The following DLG1 variants were observed in gnomAD, a reference collection of about 807,000 sequenced individuals.
DLG1 encodes disks large homolog 1.
In DLG1, 42 loss-of-function variants were observed where a neutral mutation model predicts 123.4. The ratio of observed to expected loss-of-function variants is 0.34; its 90% confidence interval spans 0.27 to 0.44. The LOEUF is 0.44. DLG1 is among the 20% of genes least tolerant of loss of function. The pLI, the probability that DLG1 is intolerant of heterozygous loss-of-function variation, is 1.00. For synonymous variants in DLG1, 317 were observed against 356.2 expected (o/e 0.89, Z 1.24); for missense variants, 942 against 1,082.6 (o/e 0.87, Z 1.82).
chr3:197,214,166 T>C (rs556769375), intron 4 of DLG1, among the ~76,000 whole-genome samples: 2 of 152,152 alleles, frequency 1.3e-5, no homozygotes, highest in South Asian at 2.1e-4. Context: ...GGGAAAAATA[T>C]AAGGATTCTT....
chr3:197,264,885 C>T (rs1761034849), intron 4 of DLG1, among the ~76,000 whole-genome samples: 3 of 152,196 alleles, frequency 2.0e-5, no homozygotes. Flanking sequence ...GAAGAGGAAG[C>T]CACTTTCCCC....
intron 4 of DLG1, among the ~76,000 whole-genome samples, chr3:197,198,035 T>A (rs770863805): frequency 6.6e-6 from 1 of 152,150 alleles, no homozygotes; most frequent in East Asian, 1.9e-4. Flanking sequence ...TAAGTGTAAA[T>A]CTTTGTGACC....
intron 15 of DLG1, among the ~76,000 whole-genome samples, chr3:197,090,473 G>A (rs956153041): frequency 3.3e-5 from 5 of 152,014 alleles, no homozygotes; most frequent in African/African-American, 1.2e-4. Flanking sequence ...TATTTACCGA[G>A]GCTATTCACA....
intron 4 of DLG1, among the ~76,000 whole-genome samples, chr3:197,273,657 T>C (rs559739208): frequency 2.2e-4 from 33 of 152,106 alleles, no homozygotes; most frequent in Admixed American, 1.2e-3. Context: ...CTTAACACCA[T>C]TCAGTCAGAA....
At chr3:197,174,429 T>C (rs1200888385) in intron 5 of DLG1, among the ~76,000 whole-genome samples, 1 of 152,204 alleles carries the variant, frequency 6.6e-6, no homozygotes, top group East Asian at 1.9e-4. Context: ...TTAAAAAGTC[T>C]ATATAATAAA....
intron 5 of DLG1, among the ~76,000 whole-genome samples, chr3:197,170,379 G>C (rs1435236816): frequency 6.6e-6 from 1 of 152,140 alleles, no homozygotes; most frequent in Non-Finnish European, 1.5e-5. Context: ...CTCATCAACA[G>C]TGTATAAGTG....
chr3:197,264,087 A>C (rs1232041359), intron 4 of DLG1, among the ~76,000 whole-genome samples: 1 of 152,232 alleles, frequency 6.6e-6, no homozygotes, highest in African/African-American at 2.4e-5. Flanking sequence ...AACACATTAA[A>C]ATAGTATGTC....
At position 197,150,134 on chromosome 3, in the gene DLG1, G is replaced by C. The variant is rs548729979; in HGVS notation, c.484-338C>G. On this transcript the variant is annotated intron_variant, in intron 5 of 24. Transcript: ENST00000667157. ...CTTCCTAGGTTGCTTAGAAATCATT[G>C]TTTTCTCTTCCCAAAGATACAGTAA... Among the ~76,000 whole-genome samples, 12 of 151,886 alleles carry C rather than the reference G, an allele frequency of 7.9e-5. No homozygotes were observed. In the South Asian group the frequency reaches 2.5e-3, roughly 32 times the overall value.
At chr3:197,108,596 A>AT (rs1767946714) in intron 13 of DLG1, among the ~76,000 whole-genome samples, 2 of 151,592 alleles carry the variant, frequency 1.3e-5, no homozygotes, top group African/African-American at 4.9e-5. Context: ...TGACTACATA[A>AT]TGATATACTA....
intron 5 of DLG1, among the ~76,000 whole-genome samples, chr3:197,186,233 G>C (rs997318643): frequency 3.9e-5 from 6 of 152,172 alleles, no homozygotes; most frequent in Admixed American, 3.9e-4. Flanking sequence ...CTGGGAGGTG[G>C]AAGGCGGAAG....
At chr3:197,191,700 G>A (rs887586222) in intron 5 of DLG1, among the ~76,000 whole-genome samples, 3 of 152,168 alleles carry the variant, frequency 2.0e-5, no homozygotes, top group South Asian at 2.1e-4. Context: ...AGCAGTGTTA[G>A]GGCTTTACCC....
intron 4 of DLG1, among the ~76,000 whole-genome samples, chr3:197,278,709 T>C (rs529496270): frequency 1.3e-5 from 2 of 150,938 alleles, no homozygotes; most frequent in African/African-American, 4.9e-5. Context: ...AACTGACAAA[T>C]GACCTGGCAA....
chr3:197,296,204 A>G, intron 3 of DLG1, 142 bp downstream of exon 3: 1 of 808,630 alleles, frequency 1.2e-6, no homozygotes, highest in Non-Finnish European at 1.9e-6. Context: ...TGGCCTATGA[A>G]AAACACACAA....
intron 16 of DLG1, among the ~76,000 whole-genome samples, chr3:197,084,040 C>T (rs1401112993): frequency 6.6e-6 from 1 of 151,976 alleles, no homozygotes; most frequent in African/African-American, 2.4e-5. Flanking sequence ...AGAGAAAAGA[C>T]CAGTGAACTG....
intron 4 of DLG1, among the ~76,000 whole-genome samples, chr3:197,274,586 C>T (rs1765524653): frequency 6.6e-6 from 1 of 152,018 alleles, no homozygotes; most frequent in Non-Finnish European, 1.5e-5. Context: ...TTAGGTAATG[C>T]TTCAAAAGCA....
chr3:197,139,703 T>C (rs1787004689), intron 8 of DLG1, among the ~76,000 whole-genome samples: 1 of 152,222 alleles, frequency 6.6e-6, no homozygotes, highest in African/African-American at 2.4e-5. Flanking sequence ...TCCTCTATCC[T>C]CCGTATCTTA....
At chr3:197,225,304 A>G (rs555142690) in intron 4 of DLG1, among the ~76,000 whole-genome samples, 6 of 152,358 alleles carry the variant, frequency 3.9e-5, no homozygotes, top group Admixed American at 2.6e-4. Context: ...TCTTTAAGGC[A>G]AACTACATTC....
At chr3:197,085,389 C>G in intron 16 of DLG1, 191 bp downstream of exon 16, 1 of 578,256 alleles carries the variant, frequency 1.7e-6, no homozygotes. Context: ...CCATTCTTCT[C>G]TGTATGACTT....
At position 197,298,230 on chromosome 3, in the gene DLG1, G is replaced by C. The variant is rs1404039586; in HGVS notation, c.-32+306C>G. 11 of 334,166 alleles carry C rather than the reference G, an allele frequency of 3.3e-5. No homozygotes were observed. The East Asian group carries it at 4.9e-4, about 15-fold the overall frequency. The allele number at this position is 334,166 out of a possible 1,614,324, so 20.7% of individuals were successfully genotyped here. A position where few individuals can be genotyped will look rare whatever the true frequency, so the allele number is the denominator to read the frequency against. On this transcript the variant is annotated intron_variant, in intron 1 of 24. Coordinates refer to ENST00000667157, the MANE Select transcript of DLG1 (RefSeq NM_001366207.1). ...CGCCGAGCCCCGGGCTCCCCGCGCT[G>C]CTACCTTCGGGTTGGAAGGGGGAGG...
Sources: allele counts gnomAD v4.1 joint callset (sites outside exome capture counted in the v4.1 genomes callset), GRCh38; gene constraint gnomAD v4.1.1; transcripts MANE v1.5; gene names NCBI Gene and HGNC (gene_info 2026-07-23, HGNC 2026-07-21).